The following RBFOX3 variants were observed in gnomAD, a reference collection of about 807,000 sequenced individuals.
RBFOX3 encodes the protein RNA binding fox-1 homolog 3, also known as RNA binding protein fox-1 homolog 3.
RBFOX3 carries 17 observed loss-of-function variants against 48.7 expected under a neutral mutation model. The observed-to-expected ratio is 0.35, with a 90% confidence interval of 0.24 to 0.52. The LOEUF (loss-of-function observed/expected upper bound fraction) is 0.52. Ranked by LOEUF, RBFOX3 falls within the 20% of genes least tolerant of loss-of-function variation. RBFOX3 has a pLI of 0.94. For missense variants in RBFOX3, 382 were observed against 497.5 expected (o/e 0.77, Z 2.21); for synonymous variants, 212 against 209.5 (o/e 1.01, Z -0.10).
upstream of RBFOX3, among the ~76,000 whole-genome samples, chr17:79,613,041 C>T (rs1212456234): frequency 1.3e-5 from 2 of 152,362 alleles, no homozygotes; most frequent in East Asian, 3.9e-4. Flanking sequence ...GCTCCCCATG[C>T]GAGTTCTGCA....
chr17:79,623,610 T>C, the RBFOX3 span, among the ~76,000 whole-genome samples: 1 of 151,930 alleles, frequency 6.6e-6, no homozygotes, highest in Non-Finnish European at 1.5e-5. Context: ...GGTCAGGAGT[T>C]TGAGACCAGC....
chr17:79,166,479 A>T (rs1306675551), intron 4 of RBFOX3, among the ~76,000 whole-genome samples: 1 of 143,354 alleles, frequency 7.0e-6, no homozygotes, highest in East Asian at 2.1e-4. Context: ...GATGAAGGGG[A>T]GTCCAAGAGC....
intron 3 of RBFOX3, among the ~76,000 whole-genome samples, chr17:79,294,051 C>G (rs1006747029): frequency 6.6e-6 from 1 of 152,186 alleles, no homozygotes; most frequent in African/African-American, 2.4e-5. Flanking sequence ...CAGATTCATA[C>G]AGAGCAGGTG....
At chr17:79,230,270 A>AT (rs1162375729) in intron 4 of RBFOX3, among the ~76,000 whole-genome samples, 2 of 151,832 alleles carry the variant, frequency 1.3e-5, no homozygotes, top group Non-Finnish European at 2.9e-5. Context: ...TTATTTATTT[A>AT]TTTTTTTGAG....
chr17:79,509,573 G>T lies in RBFOX3; in HGVS notation c.-319-26975C>A, dbSNP rs941302865. Among the ~76,000 whole-genome samples, 116 of 152,234 alleles carry T rather than the reference G, an allele frequency of 7.6e-4. No homozygotes were observed. In the South Asian group the frequency reaches 0.015, roughly 20 times the overall value. On this transcript the variant is annotated intron_variant, in intron 1 of 14. Transcript: ENST00000693108. ...GCTGGTTCTCCGGCTGGTCTAAATG[G>T]CCATACCATTCCCCACCCCAACCCC...
chr17:79,385,468 G>A (rs1054369397), intron 2 of RBFOX3, among the ~76,000 whole-genome samples: 12 of 152,088 alleles, frequency 7.9e-5, no homozygotes, highest in African/African-American at 2.9e-4. Context: ...AAGAACACAG[G>A]TGTCCTGTCC....
chr17:79,462,833 C>T lies in RBFOX3; in HGVS notation c.-175+19621G>A, dbSNP rs115534409. ...TGCCATATTGAAAGCTCACACAGAGCGTCTCCAGCCCAGACACAGCGGTTA... is the reference window on the plus strand; with the variant it reads ...TGCCATATTGAAAGCTCACACAGAGTGTCTCCAGCCCAGACACAGCGGTTA... On this transcript the variant is annotated intron_variant, in intron 2 of 14. Transcript: ENST00000693108. 4.3e-3 allele frequency among the ~76,000 whole-genome samples: 658 copies of T among 152,300 alleles called. 5 individuals are homozygous for T. Among genetic ancestry groups the T allele is most frequent in the African/African-American group, 0.015 (636 of 41,556 alleles).
rs576323220 is a variant in RBFOX3, at chr17:79,093,592, G to A, written c.1077+859C>T. 3.5e-3 allele frequency among the ~76,000 whole-genome samples: 526 copies of A among 150,596 alleles called. 3 individuals carry two copies. Among genetic ancestry groups the A allele is most frequent in the African/African-American group, 0.012 (473 of 40,932 alleles). On this transcript the variant is annotated intron_variant, in intron 14 of 14. Coordinates refer to ENST00000693108, the MANE Select transcript of RBFOX3 (RefSeq NM_001350451.2). ...GGAGGGAGTCATCAAAACCAAGAAA[G>A]ATGGGAAAAATCCATATTGCCTCTG...
At chr17:79,271,051 T>C (rs1404767144) in intron 3 of RBFOX3, among the ~76,000 whole-genome samples, 1 of 151,602 alleles carries the variant, frequency 6.6e-6, no homozygotes, top group African/African-American at 2.4e-5. Context: ...AATGAAAATA[T>C]GCATCTTTTC....
chr17:79,152,981 G>A lies in RBFOX3; in HGVS notation c.-33-37233C>T, dbSNP rs562160079. Among the ~76,000 whole-genome samples, 8 of 152,304 alleles carry A rather than the reference G, an allele frequency of 5.3e-5. 1 individual carries two copies. The East Asian group carries it at 1.2e-3, about 22-fold the overall frequency. ...GGGAGGTCTGGAGGTGGCTGCGGTCGGGTGGGCCCGCTGTCCAGATACCCC... is the reference window on the plus strand; with the variant it reads ...GGGAGGTCTGGAGGTGGCTGCGGTCAGGTGGGCCCGCTGTCCAGATACCCC... On this transcript the variant is annotated intron_variant, in intron 4 of 14. Transcript: ENST00000693108.
chr17:79,242,401 T>G lies in RBFOX3; in HGVS notation c.-73-6596A>C, dbSNP rs560683596. ...TATAAATCACTATAAAATTATAAAA[T>G]TTTTTATAAATTATAAAAAATCAAC... On this transcript the variant is annotated intron_variant, in intron 3 of 14. Coordinates refer to ENST00000693108, the MANE Select transcript of RBFOX3 (RefSeq NM_001350451.2). This position sits in a 1 kb window ranked among gnomAD's most constrained non-coding sequence, Gnocchi z 5.8. 2.0e-4 allele frequency among the ~76,000 whole-genome samples: 30 copies of G among 152,296 alleles called. No homozygotes were observed. The highest frequency in any genetic ancestry group is 6.7e-4 in the African/African-American group (28 of 41,552).
At chr17:79,442,156 T>C (rs8072443) in intron 2 of RBFOX3, among the ~76,000 whole-genome samples, 71,774 of 133,330 alleles carry the variant, frequency 0.54, 19,935 homozygotes, top group Middle Eastern at 0.62. Context: ...GGAACCCCAT[T>C]CGGCCTCCAA....
chr17:79,132,388 A>G (rs569418075), intron 4 of RBFOX3, among the ~76,000 whole-genome samples: 1 of 152,312 alleles, frequency 6.6e-6, no homozygotes, highest in South Asian at 2.1e-4. Flanking sequence ...CTACAGCCCT[A>G]TTCCATGCAC....
intron 4 of RBFOX3, among the ~76,000 whole-genome samples, chr17:79,227,624 C>T (rs916216485): frequency 6.6e-5 from 10 of 152,296 alleles, no homozygotes; most frequent in East Asian, 1.9e-4. Flanking sequence ...TGACTGGCGG[C>T]GGTTACTCAC....
At chr17:79,097,060 G>C (rs146405464) in intron 11 of RBFOX3, among the ~76,000 whole-genome samples, 12 of 152,098 alleles carry the variant, frequency 7.9e-5, no homozygotes, top group Non-Finnish European at 1.3e-4. Context: ...AGGTTCTGGG[G>C]CTCTGAATGT....
At position 79,390,806 on chromosome 17, in the gene RBFOX3, G is replaced by A. The variant is rs752416076; in HGVS notation, c.-174-82982C>T. Among the ~76,000 whole-genome samples, 18 of 152,296 alleles carry A rather than the reference G, an allele frequency of 1.2e-4. No individual in the cohort carries two copies. Among genetic ancestry groups the A allele is most frequent in the Non-Finnish European group, 1.9e-4 (13 of 68,016 alleles). ...GGGATCCTGGCAGTGGGAAACTGGA[G>A]GAGCGCATGGAGCATCTGAGAGTTG... On this transcript the variant is annotated intron_variant, in intron 2 of 14. Transcript: ENST00000693108. This position sits in a 1 kb window ranked among gnomAD's most constrained non-coding sequence, Gnocchi z 4.2.
At chr17:79,114,425 T>C (rs1345502023) in intron 5 of RBFOX3, among the ~76,000 whole-genome samples, 2 of 152,096 alleles carry the variant, frequency 1.3e-5, no homozygotes, top group Non-Finnish European at 2.9e-5. Flanking sequence ...ACCGCCTGGG[T>C]GCCAGATGAG....
intron 3 of RBFOX3, among the ~76,000 whole-genome samples, chr17:79,306,822 A>T (rs962433443): frequency 6.6e-6 from 1 of 152,166 alleles, no homozygotes; most frequent in Non-Finnish European, 1.5e-5. Flanking sequence ...GAGCTTTGCC[A>T]TGCCTGATCC....
In RBFOX3 at chr17:79,488,798, C is replaced by T. The variant is rs1036962789; in HGVS notation, c.-319-6200G>A. ...GAAAGAAGACAGAAAGGGCTTTGCA[C>T]TAAATCACAGCTGCGCTTTCTCCTA... On this transcript the variant is annotated intron_variant, in intron 1 of 14. Coordinates refer to ENST00000693108, the MANE Select transcript of RBFOX3 (RefSeq NM_001350451.2). 3.3e-5 allele frequency among the ~76,000 whole-genome samples: 5 copies of T among 152,318 alleles called. No homozygotes were observed. The East Asian group carries it at 9.6e-4, about 29-fold the overall frequency.
Sources: allele counts gnomAD v4.1 joint callset (sites outside exome capture counted in the v4.1 genomes callset), GRCh38; gene constraint gnomAD v4.1.1; non-coding constraint Gnocchi (gnomAD v3.1); transcripts MANE v1.5; gene names NCBI Gene and HGNC (gene_info 2026-07-23, HGNC 2026-07-21).